The following ATP10D variants were observed in gnomAD, a reference collection of about 807,000 sequenced individuals.
The protein encoded by ATP10D is ATPase phospholipid transporting 10D (putative), also known as phospholipid-transporting ATPase VD.
In ATP10D, 89 loss-of-function variants were observed where a neutral mutation model predicts 144.8. The observed-to-expected ratio is 0.61, with a 90% CI of 0.52 to 0.73. ATP10D has a LOEUF of 0.73. ATP10D is among the 30% of genes least tolerant of loss of function. The probability of loss-of-function intolerance (pLI) is 0.00; values close to 1 mark genes in which losing one functional copy is unlikely to be tolerated. For synonymous variants in ATP10D, 571 were observed against 615.1 expected (o/e 0.93, Z 1.06); for missense variants, 1,603 against 1,714.8 (o/e 0.93, Z 1.15).
At chr4:47,565,112 C>T (rs138721414) in intron 15 of ATP10D, among the ~76,000 whole-genome samples, 1 of 152,190 alleles carries the variant, frequency 6.6e-6, no homozygotes, top group Non-Finnish European at 1.5e-5. Flanking sequence ...GCTCCCGACA[C>T]CACGCCCGGC....
chr4:47,569,047 T>C lies in ATP10D; in HGVS notation c.3064T>C (p.Trp1022Arg). The change falls in exon 16 of 23, where the codon TGG becomes CGG. Residue 1022 changes from tryptophan to arginine, a missense_variant. By Grantham distance (101) the Trp-to-Arg change is moderately radical. Transcript: ENST00000273859. The part of the protein sequence containing the change: ...LQKQFLELTS[W>R]CQAVVCCRAT... ...AAAGCAGTTCCTGGAACTGACATCT[T>C]GGTGTCAAGCTGTGGTCTGCTGCCG... 6.2e-7 allele frequency: 1 copy of C among 1,614,212 alleles called. No individual in the cohort carries two copies. Among genetic ancestry groups the C allele is most frequent in the Non-Finnish European group, 8.5e-7 (1 of 1,180,026 alleles).
chr4:47,509,890 A>G (rs1400509285), intron 1 of ATP10D, among the ~76,000 whole-genome samples: 1 of 151,790 alleles, frequency 6.6e-6, no homozygotes, highest in Non-Finnish European at 1.5e-5. Context: ...AGATCCCTGT[A>G]TGCATTGCAG....
At position 47,592,848 on chromosome 4, in the gene ATP10D, GT is replaced by G. The variant is rs1187709277; in HGVS notation, c.*1472del. 1.3e-5 allele frequency: 2 copies of G among 152,478 alleles called. No homozygotes were observed. Among genetic ancestry groups the G allele is most frequent in the African/African-American group, 2.4e-5 (1 of 41,402 alleles). 9.4% of individuals were successfully genotyped at this position (152,478 alleles called of 1,614,324 possible). On this transcript the variant is annotated 3_prime_UTR_variant, in exon 23 of 23. Transcript: ENST00000273859. ...AGTTGCTTTCTGCTTTCTTATGACT[GT>G]TTTTATAAATAAACTGTTTCATAAA...
intron 1 of ATP10D, among the ~76,000 whole-genome samples, chr4:47,501,460 G>T (rs550744117): frequency 6.6e-6 from 1 of 152,050 alleles, no homozygotes; most frequent in Non-Finnish European, 1.5e-5. Flanking sequence ...TGCCTTTAGC[G>T]TTTTTCTCTG....
rs746469894 is a variant in ATP10D at position 47,591,403 on chromosome 4, G to A, written c.*22G>A. 3 of 1,543,990 alleles carry A rather than the reference G, an allele frequency of 1.9e-6. No individual in the cohort carries two copies. Among genetic ancestry groups the A allele is most frequent in the Non-Finnish European group, 2.6e-6 (3 of 1,143,454 alleles). ...CTAGATACCCTCCTTGGAGTTGCAA[G>A]TATTCTTTCAAGGTTGGAAGAGGGA... On this transcript the variant is annotated 3_prime_UTR_variant, in exon 23 of 23. Transcript: ENST00000273859.
intron 1 of ATP10D, among the ~76,000 whole-genome samples, chr4:47,508,067 G>A (rs760777337): frequency 1.3e-5 from 2 of 152,176 alleles, no homozygotes; most frequent in African/African-American, 2.4e-5. Context: ...CAGGGGAGAG[G>A]CTTTGGAGAC....
At chr4:47,542,609 C>T (rs1359660099) in intron 9 of ATP10D, among the ~76,000 whole-genome samples, 1 of 152,082 alleles carries the variant, frequency 6.6e-6, no homozygotes, top group African/African-American at 2.4e-5. Context: ...TCCCTAGTAG[C>T]TGGGATTACA....
intron 1 of ATP10D, among the ~76,000 whole-genome samples, chr4:47,511,206 A>G (rs1320249672): frequency 6.6e-6 from 1 of 152,222 alleles, no homozygotes; most frequent in East Asian, 1.9e-4. Context: ...GAGATAGTAA[A>G]TGTTATTTTG....
chr4:47,489,142 CA>C (rs1284935543), intron 1 of ATP10D, among the ~76,000 whole-genome samples: 26 of 152,124 alleles, frequency 1.7e-4, no homozygotes, highest in African/African-American at 5.8e-4. Flanking sequence ...TCGCAAAAGA[CA>C]AAAAATTTTA....
At chr4:47,527,961 T>C (rs998680762) in intron 5 of ATP10D, among the ~76,000 whole-genome samples, 57 of 152,164 alleles carry the variant, frequency 3.7e-4, no homozygotes, top group African/African-American at 1.3e-3. Flanking sequence ...GCTTTATTTG[T>C]AATAGCCAAA....
intron 18 of ATP10D, among the ~76,000 whole-genome samples, chr4:47,576,178 G>A (rs927099373): frequency 6.6e-5 from 10 of 151,574 alleles, no homozygotes; most frequent in Non-Finnish European, 7.4e-5. Context: ...TGATCCACCC[G>A]CCTCGGCCTC....
chr4:47,557,108 TCA>T (rs1719026650), intron 11 of ATP10D: 1 of 152,160 alleles, frequency 6.6e-6, no homozygotes, highest in African/African-American at 2.4e-5. Context: ...TATACTAGTC[TCA>T]TAGCTTTTTC....
rs1199907836 is a variant in ATP10D, at chr4:47,582,000, A to C, written c.3689A>C (p.Asn1230Thr). ...GATACTGACATCTTTGCATTTGGAA[A>C]CCCCCTGAACACAGCCGCTCTGTTC... Reference protein sequence around the residue: ...GSDTDIFAFGNPLNTAALFIV... With the variant: ...GSDTDIFAFGTPLNTAALFIV... The change falls in exon 21 of 23, where the codon AAC (asparagine) becomes ACC (threonine). Residue 1230 changes from asparagine (N) to threonine (T), a missense_variant. Coordinates refer to ENST00000273859, the MANE Select transcript of ATP10D (RefSeq NM_020453.4). 21 of 1,612,956 alleles carry C rather than the reference A, an allele frequency of 1.3e-5. No homozygotes were observed. In the East Asian group the frequency reaches 4.7e-4, roughly 36 times the overall value.
intron 1 of ATP10D, among the ~76,000 whole-genome samples, chr4:47,497,194 G>T (rs1715433310): frequency 6.6e-6 from 1 of 152,100 alleles, no homozygotes; most frequent in Admixed American, 6.5e-5. Flanking sequence ...GGTGGCTCAT[G>T]CCTGTAATCC....
chr4:47,514,196 T>C (rs1281821895), intron 2 of ATP10D, among the ~76,000 whole-genome samples: 6 of 152,272 alleles, frequency 3.9e-5, no homozygotes, highest in Admixed American at 2.0e-4. Flanking sequence ...ATTCATTCTA[T>C]ATATGTTCCA....
At position 47,570,363 on chromosome 4, in the gene ATP10D, G is replaced by A. The variant is rs999669689; in HGVS notation, c.3163+1217G>A. Among the ~76,000 whole-genome samples, 3 of 152,184 alleles carry A rather than the reference G, an allele frequency of 2.0e-5. No individual in the cohort carries two copies. The South Asian group carries it at 6.2e-4, about 31-fold the overall frequency. On this transcript the variant is annotated intron_variant, in intron 16 of 22. Transcript: ENST00000273859. The stretch of plus-strand genomic sequence containing the variant: ...TGCCATTTACTGAGATAGAGGCAGG[G>A]GAAATTGGGAATTGGGTCTTACTCA...
chr4:47,487,165 G>T (rs1023290433), intron 1 of ATP10D, among the ~76,000 whole-genome samples: 7 of 149,268 alleles, frequency 4.7e-5, no homozygotes, highest in African/African-American at 1.7e-4. Context: ...GGAGGCGGAG[G>T]TTGCTGTGAG....
rs190767932 is a variant in ATP10D, at chr4:47,496,915, C to T, written c.-38+11396C>T. On this transcript the variant is annotated intron_variant, in intron 1 of 22. Coordinates refer to ENST00000273859, the MANE Select transcript of ATP10D (RefSeq NM_020453.4). ...GGAGTGCAGTGGTGTGATCTCGGCT[C>T]ACTGTAACCTCTGCCTCCTGGGTTC... Among the ~76,000 whole-genome samples, 61 of 151,566 alleles carry T rather than the reference C, an allele frequency of 4.0e-4. 1 individual carries two copies. Among genetic ancestry groups the T allele is most frequent in the African/African-American group, 1.3e-3 (55 of 41,308 alleles).
intron 1 of ATP10D, chr4:47,491,384 A>C (rs1009288036): frequency 1.4e-6 from 1 of 732,366 alleles, no homozygotes; most frequent in African/African-American, 1.7e-5. Context: ...ATGTGGCCAA[A>C]GGAACAACTC....
Sources: allele counts gnomAD v4.1 joint callset (sites outside exome capture counted in the v4.1 genomes callset), GRCh38; gene constraint gnomAD v4.1.1; transcripts MANE v1.5; gene names NCBI Gene and HGNC (gene_info 2026-07-23, HGNC 2026-07-21).